The following RBFOX1 variants were observed in gnomAD, a reference collection of about 807,000 sequenced individuals.
The protein encoded by RBFOX1 is RNA binding protein fox-1 homolog 1.
RBFOX1 carries 8 observed loss-of-function variants against 57.7 expected under a neutral mutation model. The observed-to-expected ratio is 0.14, with a 90% confidence interval of 0.08 to 0.25. RBFOX1 has a LOEUF of 0.25. Among genes scored for constraint, RBFOX1 ranks in the 10% least tolerant of loss-of-function variants. The pLI is 1.00. For synonymous variants in RBFOX1, 326 were observed against 222.4 expected, an observed-to-expected ratio of 1.47 and a Z score of -4.15; for missense variants, 611 against 548.5, an observed-to-expected ratio of 1.11 and a Z score of -1.14.
chr16:6,307,340 G>A (rs2079634659), intron 1 of RBFOX1, among the ~76,000 whole-genome samples: 2 of 151,848 alleles, frequency 1.3e-5, no homozygotes, highest in Admixed American at 6.6e-5. Flanking sequence ...CCAAGATCGC[G>A]CACTGCACTC....
intron 1 of RBFOX1, among the ~76,000 whole-genome samples, chr16:6,128,936 C>A (rs1286621087): frequency 6.6e-6 from 1 of 152,134 alleles, no homozygotes; most frequent in Admixed American, 6.6e-5. Flanking sequence ...TGCCTGTTGA[C>A]TAAGTTCAAG....
intron 1 of RBFOX1, among the ~76,000 whole-genome samples, chr16:5,427,967 C>T (rs1016850714): frequency 2.6e-5 from 4 of 152,166 alleles, no homozygotes; most frequent in African/African-American, 4.8e-5. Flanking sequence ...AAACTCTTGA[C>T]GAGAAGCTGC....
intron 4 of RBFOX1, among the ~76,000 whole-genome samples, chr16:7,169,291 G>A (rs914347116): frequency 6.6e-6 from 1 of 152,164 alleles, no homozygotes; most frequent in African/African-American, 2.4e-5. Context: ...GTTTCTATGA[G>A]ATACTAGCCA....
At chr16:5,830,431 A>G (rs2056224518) in intron 3 of RBFOX1, among the ~76,000 whole-genome samples, 1 of 151,224 alleles carries the variant, frequency 6.6e-6, no homozygotes, top group African/African-American at 2.4e-5. Flanking sequence ...GTGAAAGCTT[A>G]GTGCTTATCA....
At chr16:7,404,866 G>C (rs568044739) in intron 4 of RBFOX1, among the ~76,000 whole-genome samples, 1 of 152,260 alleles carries the variant, frequency 6.6e-6, no homozygotes, top group Non-Finnish European at 1.5e-5. Flanking sequence ...AATTGGGTGA[G>C]GGGTGCCGTT....
chr16:5,352,870 G>A (rs900500535), intron 1 of RBFOX1, among the ~76,000 whole-genome samples: 1 of 152,182 alleles, frequency 6.6e-6, no homozygotes, highest in Non-Finnish European at 1.5e-5. Context: ...CTGAGCCTGG[G>A]AGATTGAGGC....
intron 4 of RBFOX1, among the ~76,000 whole-genome samples, chr16:5,880,404 G>A (rs1271764149): frequency 2.0e-5 from 3 of 152,280 alleles, no homozygotes; most frequent in Non-Finnish European, 2.9e-5. Context: ...CAGAGGACAA[G>A]GATCTTTTAA....
At chr16:7,304,335 T>C (rs1199447049) in intron 4 of RBFOX1, 1 of 982,888 alleles carries the variant, frequency 1.0e-6, no homozygotes, top group African/African-American at 1.8e-5. Context: ...GAGAGCAACG[T>C]GATTGCATTC....
intron 1 of RBFOX1, among the ~76,000 whole-genome samples, chr16:5,403,178 C>G (rs9929581): frequency 6.6e-6 from 1 of 151,768 alleles, no homozygotes; most frequent in Non-Finnish European, 1.5e-5. Flanking sequence ...TGGAGAAACC[C>G]CATCTCTACT....
chr16:7,703,776 C>T (rs1044159322), intron 14 of RBFOX1, among the ~76,000 whole-genome samples: 11 of 152,220 alleles, frequency 7.2e-5, no homozygotes, highest in Admixed American at 6.5e-5. Flanking sequence ...TGCTCCAACA[C>T]AACCTTAAGT....
At chr16:7,332,658 TG>T in intron 4 of RBFOX1, 2 of 565,424 alleles carry the variant, frequency 3.5e-6, no homozygotes, top group Non-Finnish European at 4.8e-6. Context: ...CTTGGTCTCT[TG>T]GTCTCTCTCT....
intron 2 of RBFOX1, among the ~76,000 whole-genome samples, chr16:6,525,312 T>C (rs984265078): frequency 6.6e-6 from 1 of 152,150 alleles, no homozygotes; most frequent in Non-Finnish European, 1.5e-5. Flanking sequence ...TATGTGATGT[T>C]AGAGTTTGGA....
At chr16:6,026,558 G>T (rs542840402) in intron 1 of RBFOX1, among the ~76,000 whole-genome samples, 1 of 152,228 alleles carries the variant, frequency 6.6e-6, no homozygotes, top group Non-Finnish European at 1.5e-5. Context: ...GAGGCAATGT[G>T]TGCAGTGGTT....
intron 4 of RBFOX1, among the ~76,000 whole-genome samples, chr16:7,459,832 A>T (rs187806978): frequency 6.6e-6 from 1 of 152,190 alleles, no homozygotes; most frequent in Non-Finnish European, 1.5e-5. Flanking sequence ...ACGGGCCACC[A>T]TACATACACA....
chr16:6,563,448 A>G (rs141065278), intron 2 of RBFOX1, among the ~76,000 whole-genome samples: 2 of 152,232 alleles, frequency 1.3e-5, no homozygotes, highest in South Asian at 2.1e-4. Flanking sequence ...AGTTATTGAG[A>G]TGTAAGTCAA....
At chr16:6,708,312 T>TACA (rs1568302931) in intron 3 of RBFOX1, among the ~76,000 whole-genome samples, 1 of 146,282 alleles carries the variant, frequency 6.8e-6, no homozygotes, top group East Asian at 2.2e-4. Flanking sequence ...ACACTCACAC[T>TACA]CATTCACAAA....
At chr16:5,391,750 G>T (rs1021515488) in intron 1 of RBFOX1, among the ~76,000 whole-genome samples, 4 of 151,738 alleles carry the variant, frequency 2.6e-5, no homozygotes, top group African/African-American at 9.7e-5. Context: ...TTCATATCTA[G>T]ATTTCCTTTC....
At chr16:7,379,387 G>A (rs964373008) in intron 4 of RBFOX1, among the ~76,000 whole-genome samples, 6 of 152,090 alleles carry the variant, frequency 3.9e-5, no homozygotes, top group South Asian at 2.1e-4. Context: ...TAATTGGAGC[G>A]AATAAGAAAA....
intron 4 of RBFOX1, among the ~76,000 whole-genome samples, chr16:7,166,409 T>C (rs1205994331): frequency 1.3e-5 from 2 of 151,810 alleles, no homozygotes; most frequent in Admixed American, 6.6e-5. Flanking sequence ...TAAGGAAAGA[T>C]AGAAAACTAT....
Sources: gnomAD v4.1 joint callset for allele counts (sites outside exome capture counted in the v4.1 genomes callset) on GRCh38, gnomAD v4.1.1 for gene constraint, MANE v1.5 for transcripts, NCBI Gene and HGNC (gene_info 2026-07-23, HGNC 2026-07-21) for gene names.